Variants in MON2 observed in about 807,000 individuals in gnomAD.
The protein encoded by MON2 is protein MON2 homolog.
A neutral mutation model predicts 208.6 loss-of-function variants in MON2; 84 were observed. The ratio of observed to expected loss-of-function variants is 0.40; its 90% CI spans 0.34 to 0.48. The LOEUF (loss-of-function observed/expected upper bound fraction) is 0.48. Ranked by LOEUF, MON2 falls within the 20% of genes least tolerant of loss-of-function variation. The pLI, the probability that MON2 is intolerant of heterozygous loss-of-function variation, is 0.59. For missense variants in MON2, 1,611 were observed against 2,015.4 expected, an observed-to-expected ratio of 0.80 and a Z score of 3.84; for synonymous variants, 660 against 694.0, an observed-to-expected ratio of 0.95 and a Z score of 0.77.
rs141306232 is a variant in MON2, at chr12:62,516,442, C to T, written c.984+7962C>T. On this transcript the variant is annotated intron_variant, in intron 8 of 34. Transcript: ENST00000393630. Reference sequence around the variant, plus strand: ...AAAAGAGGCCAGGCGCCATGGCTCACGCTTGTAGTCCCAGCACTTTGGGAG... The same window carrying T: ...AAAAGAGGCCAGGCGCCATGGCTCATGCTTGTAGTCCCAGCACTTTGGGAG... 6.6e-5 allele frequency among the ~76,000 whole-genome samples: 10 copies of T among 152,160 alleles called. No individual in the cohort carries two copies. The East Asian group carries it at 1.3e-3, about 20-fold the overall frequency.
chr12:62,502,794 T>G (rs1016955088), intron 7 of MON2, among the ~76,000 whole-genome samples: 1 of 152,204 alleles, frequency 6.6e-6, no homozygotes, highest in Non-Finnish European at 1.5e-5. Context: ...TAACTACTCA[T>G]CTAGTGCCTT....
chr12:62,571,698 T>C, intron 30 of MON2, 116 bp downstream of exon 30: 1 of 879,920 alleles, frequency 1.1e-6, no homozygotes, highest in East Asian at 2.7e-5. Flanking sequence ...GGTTGCTAGA[T>C]TGTATTAAAA....
intron 1 of MON2, among the ~76,000 whole-genome samples, chr12:62,483,313 C>CT (rs1468341834): frequency 6.6e-6 from 1 of 152,142 alleles, no homozygotes; most frequent in Non-Finnish European, 1.5e-5. Context: ...CTGTAAAATA[C>CT]TATGTGACTT....
intron 2 of MON2, among the ~76,000 whole-genome samples, chr12:62,487,579 C>A (rs1316415273): frequency 6.6e-6 from 1 of 151,804 alleles, no homozygotes; most frequent in South Asian, 2.1e-4. Context: ...GAGCTCATAA[C>A]TAAAAGATCT....
chr12:62,477,322 C>T (rs2135970654), intron 1 of MON2, among the ~76,000 whole-genome samples: 1 of 152,256 alleles, frequency 6.6e-6, no homozygotes, highest in East Asian at 1.9e-4. Flanking sequence ...ACCATCCATT[C>T]CCTTTTGCTT....
At chr12:62,528,912 CAT>C (rs1273547586) in intron 11 of MON2, among the ~76,000 whole-genome samples, 15 of 152,240 alleles carry the variant, frequency 9.9e-5, no homozygotes, top group Non-Finnish European at 1.6e-4. Flanking sequence ...AATAGGTAAA[CAT>C]GTGTCATGGG....
At chr12:62,559,035 G>T (rs1187509312) in intron 25 of MON2, among the ~76,000 whole-genome samples, 1 of 152,120 alleles carries the variant, frequency 6.6e-6, no homozygotes, top group African/African-American at 2.4e-5. Context: ...GGGGAAAGAT[G>T]CATATAACTA....
intron 8 of MON2, among the ~76,000 whole-genome samples, chr12:62,523,994 C>T (rs1185091605): frequency 1.3e-5 from 2 of 152,048 alleles, no homozygotes; most frequent in Non-Finnish European, 2.9e-5. Flanking sequence ...ACTTAATTAG[C>T]AGTACAGGCC....
intron 32 of MON2, among the ~76,000 whole-genome samples, chr12:62,582,794 T>C (rs1425338747): frequency 6.6e-6 from 1 of 152,148 alleles, no homozygotes; most frequent in African/African-American, 2.4e-5. Context: ...AAGGCCAACC[T>C]GTAAACACAG....
Position 62,599,448 on chromosome 12 carries a change from G to C in MON2, c.*6699G>C, listed in dbSNP as rs1014204083. On this transcript the variant is annotated 3_prime_UTR_variant, in exon 35 of 35. Transcript: ENST00000393630. ...GTTATGTAATGAAAGTATAAAACAA[G>C]AATTTGTACGTTACTCAGTGTGTAC... is the stretch of plus-strand genomic sequence containing the variant. 2.0e-5 allele frequency: 3 copies of C among 152,114 alleles called. No individual in the cohort carries two copies. The highest frequency in any genetic ancestry group is 7.2e-5 in the African/African-American group (3 of 41,410). 9.4% of individuals were successfully genotyped at this position (152,114 alleles called of 1,614,324 possible).
At chr12:62,565,980 C>G (rs375115941) in intron 27 of MON2, 34 bp from the exon 28 acceptor site, 1 of 1,586,202 alleles carries the variant, frequency 6.3e-7, no homozygotes, top group Non-Finnish European at 8.6e-7. Context: ...TTTTCTCATT[C>G]TATTTGTCTT....
intron 2 of MON2, among the ~76,000 whole-genome samples, chr12:62,489,162 G>A (rs2069966163): frequency 1.3e-5 from 2 of 152,038 alleles, no homozygotes. Flanking sequence ...GTATGAATAT[G>A]TTTAAAATTC....
rs532922993 is a variant in MON2 at position 62,575,963 on chromosome 12, C to T, written c.4515-2482C>T. On this transcript the variant is annotated intron_variant, in intron 30 of 34. Transcript: ENST00000393630. The stretch of plus-strand genomic sequence containing the variant: ...AAGTACTGTGCAAAAGAATTGAAAA[C>T]ACATGTTTACACAAAAACTTGTACA... Among the ~76,000 whole-genome samples the T allele has an allele frequency of 3.9e-5, 6 of 152,194 alleles. No homozygotes were observed. The South Asian group carries it at 1.2e-3, about 32-fold the overall frequency.
intron 12 of MON2, among the ~76,000 whole-genome samples, chr12:62,533,784 A>C (rs2072772093): frequency 6.6e-6 from 1 of 152,144 alleles, no homozygotes; most frequent in Non-Finnish European, 1.5e-5. Context: ...ACACACCCCC[A>C]CACACAAGCA....
At chr12:62,578,591 A>G (rs1458524435) in intron 31 of MON2, 86 bp downstream of exon 31, 5 of 809,310 alleles carry the variant, frequency 6.2e-6, no homozygotes, top group Non-Finnish European at 9.7e-6. Context: ...TGCTGAAAGA[A>G]TAAAGTAATA....
intron 20 of MON2, 34 bp downstream of exon 20, chr12:62,543,232 T>A (rs776809708): frequency 1.7e-6 from 2 of 1,186,294 alleles, no homozygotes; most frequent in South Asian, 1.7e-5. Flanking sequence ...TTTAATTTTT[T>A]AATAAACATT....
At position 62,571,402 on chromosome 12, in the gene MON2, T is replaced by C; in HGVS notation, c.4334T>C (p.Val1445Ala). The C allele has an allele frequency of 6.2e-7, 1 of 1,601,880 alleles. No individual in the cohort carries two copies. The highest frequency in any genetic ancestry group is 8.5e-7 in the Non-Finnish European group (1 of 1,171,850). The change falls in exon 30 of 35, where the codon GTT becomes GCT. Residue 1445 changes from valine to alanine, a missense_variant. Coordinates refer to ENST00000393630, the MANE Select transcript of MON2 (RefSeq NM_015026.3). ...TGTCTTTATTTTCAGACTCTTAGGG[T>C]TCCTCTCAGTTTGAAGTATTCCTGC... ...VLQNIIKTLR[V>A]PLSLKYSCPS...
chr12:62,487,958 C>T (rs1329103976), intron 2 of MON2, among the ~76,000 whole-genome samples: 1 of 152,140 alleles, frequency 6.6e-6, no homozygotes, highest in Non-Finnish European at 1.5e-5. Context: ...AGATGACTTA[C>T]TCCCTGAGGT....
intron 12 of MON2, among the ~76,000 whole-genome samples, chr12:62,533,714 G>A (rs779652442): frequency 1.6e-4 from 24 of 152,064 alleles, no homozygotes; most frequent in Non-Finnish European, 2.1e-4. Flanking sequence ...GTATTGAAAC[G>A]AACACAGGTA....
Sources: gnomAD v4.1 joint callset for allele counts (sites outside exome capture counted in the v4.1 genomes callset) on GRCh38, gnomAD v4.1.1 for gene constraint, MANE v1.5 for transcripts, NCBI Gene and HGNC (gene_info 2026-07-23, HGNC 2026-07-21) for gene names.